ROBO2: variants seen among roughly 807,000 people sequenced by gnomAD.
ROBO2 encodes roundabout homolog 2.
ROBO2 carries 53 observed loss-of-function variants against 160.8 expected under a neutral mutation model. The observed-to-expected ratio is 0.33, with a 90% confidence interval of 0.26 to 0.41. The LOEUF (loss-of-function observed/expected upper bound fraction) is 0.41, where lower values mean the gene tolerates loss of function less well. ROBO2 is among the 10% of genes least tolerant of loss of function. The pLI is 1.00. For missense variants in ROBO2, 1,577 were observed against 1,722.4 expected (o/e 0.92, Z 1.49); for synonymous variants, 664 against 611.7 (o/e 1.09, Z -1.26).
At chr3:77,029,151 C>A (rs1489044358) in intron 2 of ROBO2, among the ~76,000 whole-genome samples, 1 of 151,868 alleles carries the variant, frequency 6.6e-6, no homozygotes, top group Non-Finnish European at 1.5e-5. Flanking sequence ...GGCCCAACAT[C>A]TTTATTTGTG....
intron 1 of ROBO2, among the ~76,000 whole-genome samples, chr3:75,930,956 A>T (rs1268583929): frequency 6.6e-6 from 1 of 152,190 alleles, no homozygotes; most frequent in African/African-American, 2.4e-5. Flanking sequence ...CTACATAGAA[A>T]CCAAAGTGAT....
chr3:76,234,448 T>C (rs1704812455), intron 2 of ROBO2, among the ~76,000 whole-genome samples: 11 of 152,152 alleles, frequency 7.2e-5, no homozygotes, highest in Admixed American at 7.2e-4. Context: ...GCCATTACTT[T>C]TAGTGGCAAA....
chr3:77,167,929 A>T (rs1232197568), intron 2 of ROBO2, among the ~76,000 whole-genome samples: 1 of 152,194 alleles, frequency 6.6e-6, no homozygotes, highest in African/African-American at 2.4e-5. Context: ...AAAACTTAGC[A>T]GGCAAAAATC....
In ROBO2 at chr3:76,724,050, T is replaced by C. The variant is rs568741986; in HGVS notation, c.110-373964T>C. Among the ~76,000 whole-genome samples, 8 of 152,332 alleles carry C rather than the reference T, an allele frequency of 5.3e-5. No homozygotes were observed. In the South Asian group the frequency reaches 1.7e-3, roughly 32 times the overall value. Reference sequence around the variant, plus strand: ...CACTGTCTAGTCACCCACTCCCATGTAGACACTGTGGTCGATTATTCTACC... The same window carrying C: ...CACTGTCTAGTCACCCACTCCCATGCAGACACTGTGGTCGATTATTCTACC... On this transcript the variant is annotated intron_variant, in intron 2 of 26. Coordinates refer to the ROBO2 transcript ENST00000487694.
chr3:76,135,624 C>T (rs1037781337), intron 2 of ROBO2, among the ~76,000 whole-genome samples: 2 of 152,002 alleles, frequency 1.3e-5, no homozygotes, highest in East Asian at 1.9e-4. Flanking sequence ...GAGGAAGTCG[C>T]GACTGTTCTA....
At chr3:77,025,431 T>C (rs1161171171) in intron 2 of ROBO2, among the ~76,000 whole-genome samples, 1 of 152,186 alleles carries the variant, frequency 6.6e-6, no homozygotes, top group Non-Finnish European at 1.5e-5. Context: ...CAAATCCAAA[T>C]ATAAATTTAT....
intron 2 of ROBO2, among the ~76,000 whole-genome samples, chr3:76,509,874 C>G (rs936318834): frequency 2.0e-5 from 3 of 152,046 alleles, no homozygotes; most frequent in African/African-American, 7.2e-5. Context: ...CAAAATTATA[C>G]GACGAGTAGA....
chr3:77,138,151 AC>A (rs1356405657), intron 2 of ROBO2, among the ~76,000 whole-genome samples: 3 of 152,164 alleles, frequency 2.0e-5, no homozygotes, highest in Non-Finnish European at 2.9e-5. Flanking sequence ...AATTGTCCTT[AC>A]CAGCACTATA....
intron 2 of ROBO2, among the ~76,000 whole-genome samples, chr3:76,730,317 C>T (rs2093618587): frequency 1.3e-5 from 1 of 78,756 alleles, no homozygotes; most frequent in Admixed American, 1.3e-4. Context: ...CCCGCTTCTC[C>T]TCACCTCCTA....
intron 2 of ROBO2, among the ~76,000 whole-genome samples, chr3:77,250,084 TAA>T (rs2090172302): frequency 1.3e-5 from 2 of 152,308 alleles, no homozygotes; most frequent in South Asian, 4.1e-4. Context: ...AAAAATGCTA[TAA>T]GATTACTTTA....
intron 2 of ROBO2, among the ~76,000 whole-genome samples, chr3:76,202,982 A>G (rs1162641946): frequency 6.6e-6 from 1 of 151,292 alleles, no homozygotes; most frequent in African/African-American, 2.5e-5. Flanking sequence ...CATGAGTCCA[A>G]ACTGGATCAC....
chr3:77,593,627 G>A (rs2094230433), intron 17 of ROBO2, among the ~76,000 whole-genome samples: 1 of 152,148 alleles, frequency 6.6e-6, no homozygotes, highest in Admixed American at 6.6e-5. Context: ...GACCCTTGGA[G>A]TTTAGAGTCA....
At chr3:76,652,558 C>T (rs142006246) in intron 2 of ROBO2, among the ~76,000 whole-genome samples, 87 of 152,170 alleles carry the variant, frequency 5.7e-4, no homozygotes, top group Middle Eastern at 6.8e-3. Context: ...ATATTTAATA[C>T]GTACAAAAGA....
Position 77,045,057 on chromosome 3 carries a change from G to A in ROBO2, c.61+4211G>A, listed in dbSNP as rs533723692. On this transcript the variant is annotated intron_variant, in intron 1 of 25. Transcript: ENST00000461745. The stretch of plus-strand genomic sequence containing the variant: ...TTGGAACACCCAATGTTGGGGGAGG[G>A]AGGCGGGCGGTAGGGAAAGTATCTG... Among the ~76,000 whole-genome samples the A allele has an allele frequency of 4.6e-5, 7 of 152,164 alleles. No homozygotes were observed. In the South Asian group the frequency reaches 1.5e-3, roughly 32 times the overall value.
At chr3:77,215,575 A>G (rs532999528) in intron 2 of ROBO2, among the ~76,000 whole-genome samples, 2 of 152,116 alleles carry the variant, frequency 1.3e-5, no homozygotes, top group South Asian at 4.2e-4. Context: ...TTCCTCTCTC[A>G]ACTCGTCAAA....
intron 2 of ROBO2, among the ~76,000 whole-genome samples, chr3:77,334,632 C>T (rs149455970): frequency 4.3e-4 from 65 of 152,264 alleles, no homozygotes; most frequent in African/African-American, 1.3e-3. Flanking sequence ...TAGCAAACTT[C>T]CTGGCAGGAG....
chr3:76,725,863 A>T (rs1342305558), intron 2 of ROBO2, among the ~76,000 whole-genome samples: 1 of 152,310 alleles, frequency 6.6e-6, no homozygotes, highest in East Asian at 1.9e-4. Context: ...CTTTCTAGCT[A>T]AACAAACACT....
intron 2 of ROBO2, among the ~76,000 whole-genome samples, chr3:77,009,715 T>G (rs1328842675): frequency 1.3e-5 from 2 of 151,960 alleles, no homozygotes; most frequent in Admixed American, 1.3e-4. Flanking sequence ...CCCAGCACTT[T>G]GGGGAGGGTC....
chr3:76,170,604 C>T (rs2073005752), intron 2 of ROBO2, among the ~76,000 whole-genome samples: 1 of 152,126 alleles, frequency 6.6e-6, no homozygotes, highest in Admixed American at 6.5e-5. Flanking sequence ...CTTTTTCATT[C>T]ATGAGGTTGA....
Sources: gnomAD v4.1 joint callset for allele counts (sites outside exome capture counted in the v4.1 genomes callset) on GRCh38, gnomAD v4.1.1 for gene constraint, MANE v1.5 for transcripts, NCBI Gene and HGNC (gene_info 2026-07-23, HGNC 2026-07-21) for gene names.